Variants in APC observed in about 807,000 individuals in gnomAD.
APC encodes the protein APC regulator of Wnt signaling pathway.
In APC, 72 loss-of-function variants were observed where a neutral mutation model predicts 247.0. The observed-to-expected ratio is 0.29, with a 90% CI of 0.24 to 0.35. The LOEUF (loss-of-function observed/expected upper bound fraction) is 0.35, where lower values mean the gene tolerates loss of function less well. APC is among the 10% of genes least tolerant of loss of function. APC has a pLI of 1.00. For synonymous variants in APC, 1,254 were observed against 1,162.5 expected (o/e 1.08, Z -1.60); for missense variants, 3,400 against 3,360.7 (o/e 1.01, Z -0.29).
At chr5:112,802,556 C>T (rs1040341980) in intron 8 of APC, among the ~76,000 whole-genome samples, 68 of 152,186 alleles carry the variant, frequency 4.5e-4, no homozygotes, top group African/African-American at 1.6e-3. Flanking sequence ...GAAACCTTAC[C>T]TATCCAGTAA....
chr5:112,831,693 C>G (rs1764320329), intron 14 of APC, among the ~76,000 whole-genome samples: 1 of 152,188 alleles, frequency 6.6e-6, no homozygotes, highest in Non-Finnish European at 1.5e-5. Flanking sequence ...GCACTCTGTA[C>G]TCCGTTCACT....
At chr5:112,793,487 A>G (rs1759869168) in intron 7 of APC, among the ~76,000 whole-genome samples, 2 of 87,500 alleles carry the variant, frequency 2.3e-5, no homozygotes, top group Admixed American at 2.6e-4. Context: ...AAAAAAACTT[A>G]AAGAGACTTA....
Position 112,801,250 on chromosome 5 carries a change from A to T in APC, c.730-29A>T, listed in dbSNP as rs75083764. 1.9e-3 allele frequency: 3,054 copies of T among 1,587,172 alleles called. 56 individuals carry two copies. The African/African-American group carries it at 0.035, about 18-fold the overall frequency. ...CTAAGAAAGCCTACACCATTTTTGC[A>T]TGTACTGATGTTAACTCCATCTTAA... On this transcript the variant is annotated intron_variant, in intron 7 of 15. Transcript: ENST00000257430.
At chr5:112,831,080 A>C (rs1345621236) in intron 14 of APC, among the ~76,000 whole-genome samples, 1 of 151,988 alleles carries the variant, frequency 6.6e-6, no homozygotes, top group Non-Finnish European at 1.5e-5. Flanking sequence ...TTCATGACTT[A>C]ATTCTCTCTC....
At chr5:112,805,720 CA>C (rs1278277763) in intron 8 of APC, among the ~76,000 whole-genome samples, 1 of 152,126 alleles carries the variant, frequency 6.6e-6, no homozygotes, top group Non-Finnish European at 1.5e-5. Flanking sequence ...GCTCAAAAGA[CA>C]AAAGCCACCA....
intron 7 of APC, among the ~76,000 whole-genome samples, chr5:112,793,867 G>A (rs937040294): frequency 6.6e-6 from 1 of 151,848 alleles, no homozygotes; most frequent in Non-Finnish European, 1.5e-5. Context: ...AAATCACTGG[G>A]GATAAAAAGA....
intron 1 of APC, among the ~76,000 whole-genome samples, chr5:112,745,707 A>G (rs569814887): frequency 2.0e-5 from 3 of 152,020 alleles, no homozygotes; most frequent in Non-Finnish European, 4.4e-5. Context: ...AGCTGGGACT[A>G]CAGGCGGGTG....
intron 4 of APC, 77 bp from the exon 5 acceptor site, chr5:112,775,552 A>G (rs1238370543): frequency 5.9e-6 from 5 of 850,946 alleles, no homozygotes; most frequent in African/African-American, 5.1e-5. Flanking sequence ...TGCAATAACA[A>G]CTGATGTAAG....
In APC at chr5:112,793,751, CAG is replaced by C. The variant is rs562804915; in HGVS notation, c.729+1224_729+1225del. 1.1e-3 allele frequency among the ~76,000 whole-genome samples: 169 copies of C among 152,136 alleles called. 3 individuals are homozygous for C. In the Middle Eastern group the frequency reaches 0.014, roughly 12 times the overall value. On this transcript the variant is annotated intron_variant, in intron 7 of 15. Coordinates refer to ENST00000257430, the MANE Select transcript of APC (RefSeq NM_000038.6). ...ATTAGAGAAATAAATCAAAATTTCT[CAG>C]AAATTTTAACAAGGGGCTTAGTTTT... is the stretch of plus-strand genomic sequence containing the variant.
chr5:112,750,999 C>T (rs1754297629), intron 1 of APC, among the ~76,000 whole-genome samples: 1 of 152,056 alleles, frequency 6.6e-6, no homozygotes, highest in Non-Finnish European at 1.5e-5. Context: ...CTACTTTAAT[C>T]ATATACTGAA....
chr5:112,749,869 T>G (rs373900696), intron 1 of APC, among the ~76,000 whole-genome samples: 32 of 151,872 alleles, frequency 2.1e-4, no homozygotes, highest in African/African-American at 6.5e-4. Context: ...TTAATATGTT[T>G]GGAGGTTGTT....
chr5:112,776,635 C>T (rs1176388291), intron 5 of APC, among the ~76,000 whole-genome samples: 4 of 152,066 alleles, frequency 2.6e-5, no homozygotes, highest in South Asian at 2.1e-4. Context: ...GCCAGGAGTT[C>T]GAGACCAGCC....
rs1253241630 is a variant in APC at position 112,838,367 on chromosome 5, A to G, written c.2773A>G (p.Ser925Gly). Residue 925 changes from serine (S) to glycine (G), a missense_variant, in exon 16 of 16, where the codon AGC (serine) becomes GGC (glycine). By Grantham distance (56) the Ser-to-Gly change is moderately conservative (BLOSUM62 0). Transcript: ENST00000257430. ...AGATGAGAGAAATGCACTTAGAAGA[A>G]GCTCTGCTGCCCATACACATTCAAA... ...VTDERNALRR[S>G]SAAHTHSNTY... 1 of 1,614,122 alleles carries G rather than the reference A, an allele frequency of 6.2e-7. No individual in the cohort carries two copies. The highest frequency in any genetic ancestry group is 1.3e-5 in the African/African-American group (1 of 74,948).
chr5:112,728,115 G>A (rs1751895445), intron 1 of APC, among the ~76,000 whole-genome samples: 2 of 151,540 alleles, frequency 1.3e-5, no homozygotes, highest in South Asian at 4.2e-4. Context: ...GCTGTCGATA[G>A]TGTTACTGTG....
At chr5:112,756,722 C>T (rs779655045) in intron 2 of APC, among the ~76,000 whole-genome samples, 8 of 152,120 alleles carry the variant, frequency 5.3e-5, no homozygotes, top group Non-Finnish European at 1.2e-4. Flanking sequence ...CATCTCCACA[C>T]TGAAGTGGAA....
intron 2 of APC, among the ~76,000 whole-genome samples, chr5:112,759,315 GAT>G (rs1755374876): frequency 6.7e-6 from 1 of 149,796 alleles, no homozygotes; most frequent in Admixed American, 6.6e-5. Context: ...AACCACAGCA[GAT>G]TTCATTTCTA....
At chr5:112,758,631 C>G (rs1755269649) in intron 2 of APC, among the ~76,000 whole-genome samples, 1 of 151,062 alleles carries the variant, frequency 6.6e-6, no homozygotes, top group Non-Finnish European at 1.5e-5. Flanking sequence ...GCCCCCTCCC[C>G]ACAACTTTTT....
chr5:112,736,784 C>T (rs1393340786), upstream of APC, among the ~76,000 whole-genome samples: 2 of 152,148 alleles, frequency 1.3e-5, no homozygotes, highest in East Asian at 1.9e-4. Flanking sequence ...CATGATGGCA[C>T]GTGCCTGTAG....
At chr5:112,834,049 G>A (rs982051513) in intron 14 of APC, among the ~76,000 whole-genome samples, 5 of 151,438 alleles carry the variant, frequency 3.3e-5, no homozygotes, top group African/African-American at 4.9e-5. Context: ...CCTCCCAGGC[G>A]CAAGTGATCC....
Sources: allele counts gnomAD v4.1 joint callset (sites outside exome capture counted in the v4.1 genomes callset), GRCh38; gene constraint gnomAD v4.1.1; transcripts MANE v1.5; gene names NCBI Gene and HGNC (gene_info 2026-07-23, HGNC 2026-07-21).